Variants in CD2 observed in about 807,000 individuals in gnomAD.
The protein encoded by CD2 is T-cell surface antigen CD2.
Under a neutral mutation model 23.2 loss-of-function variants are expected in CD2, and 18 were observed. The observed-to-expected ratio is 0.77, with a 90% CI of 0.54 to 1.15. The LOEUF (loss-of-function observed/expected upper bound fraction) is 1.15, where lower values mean the gene tolerates loss of function less well. CD2 is among the 50% of genes most tolerant of loss of function. The probability of loss-of-function intolerance (pLI) is 0.00; values close to 1 mark genes in which losing one functional copy is unlikely to be tolerated. For synonymous variants in CD2, 162 were observed against 151.9 expected (o/e 1.07, Z -0.49); for missense variants, 424 against 423.1 (o/e 1.00, Z -0.02).
At chr1:116,765,867 A>C (rs1437106453) in intron 4 of CD2, among the ~76,000 whole-genome samples, 1 of 152,256 alleles carries the variant, frequency 6.6e-6, no homozygotes, top group Non-Finnish European at 1.5e-5. Context: ...GCTGATAAAA[A>C]AGTCGTTAGT....
chr1:116,764,561 G>A lies in CD2; in HGVS notation c.691G>A (p.Val231Ile), dbSNP rs369219837. ...CTTGATGGTCTTTGTGGCACTGCTC[G>A]TTTTCTATATCACCAAAAGGAAAAA... ...SLLMVFVALL[V>I]FYITKRKKQR... Residue 231 changes from valine (V) to isoleucine (I), a missense_variant, in exon 4 of 5, where the codon GTT becomes ATT. Transcript: ENST00000369478. 5.9e-5 allele frequency: 95 copies of A among 1,613,896 alleles called. 2 individuals are homozygous for A. The highest frequency in any genetic ancestry group is 8.0e-5 in the African/African-American group (6 of 74,854).
At chr1:116,760,848 A>G (rs533937262) in intron 3 of CD2, among the ~76,000 whole-genome samples, 2 of 152,352 alleles carry the variant, frequency 1.3e-5, no homozygotes, top group South Asian at 2.1e-4. Context: ...ACTGAGCACA[A>G]TTTGACCACA....
At chr1:116,760,302 C>T (rs1652002747) in intron 2 of CD2, 100 bp from the exon 3 acceptor site, 3 of 821,052 alleles carry the variant, frequency 3.7e-6, no homozygotes, top group East Asian at 5.4e-5. Flanking sequence ...GACATTGTTC[C>T]CTTGTCCCTA....
In CD2 at chr1:116,768,452, T is replaced by C. The variant is rs1198783438; in HGVS notation, c.737-12T>C. The C allele has an allele frequency of 6.2e-7, 1 of 1,611,602 alleles. No individual in the cohort carries two copies. The highest frequency in any genetic ancestry group is 8.5e-7 in the Non-Finnish European group (1 of 1,178,576). ...GGCCAAGATGAACTCTATTGAGGTT[T>C]TGTTGTTGCAGATGAGGAGCTGGAG... On this transcript the variant is annotated splice_polypyrimidine_tract_variant and intron_variant, in intron 4 of 4. Coordinates refer to ENST00000369478, the MANE Select transcript of CD2 (RefSeq NM_001767.5).
Position 116,754,753 on chromosome 1 carries a change from A to T in CD2, c.184A>T (p.Thr62Ser). 1 of 1,613,822 alleles carries T rather than the reference A, an allele frequency of 6.2e-7. No homozygotes were observed. Among genetic ancestry groups the T allele is most frequent in the South Asian group, 1.1e-5 (1 of 90,980 alleles). The part of the protein sequence containing the change: ...DDIDDIKWEK[T>S]SDKKKIAQFR... ...TATTGACGATATAAAATGGGAAAAA[A>T]CTTCAGACAAGAAAAAGATTGCACA... The change falls in exon 2 of 5, where the codon ACT (threonine) becomes TCT (serine). Residue 62 changes from threonine (T) to serine (S), a missense_variant. Transcript: ENST00000369478.
chr1:116,754,597 A>G (rs754118921), intron 1 of CD2, 34 bp from the exon 2 acceptor site: 1 of 1,609,302 alleles, frequency 6.2e-7, no homozygotes, highest in Non-Finnish European at 8.5e-7. Context: ...CTTTCCCTGA[A>G]AGTGACTCTC....
intron 4 of CD2, among the ~76,000 whole-genome samples, chr1:116,768,167 G>T (rs566968492): frequency 1.3e-5 from 2 of 152,172 alleles, no homozygotes; most frequent in African/African-American, 4.8e-5. Context: ...CAGAGGTAGG[G>T]TTCCAGGTCT....
At chr1:116,763,362 C>A (rs1193074224) in intron 3 of CD2, among the ~76,000 whole-genome samples, 1 of 152,150 alleles carries the variant, frequency 6.6e-6, no homozygotes, top group East Asian at 1.9e-4. Context: ...ATGTTTTTGC[C>A]TGGAGAAGCA....
intron 4 of CD2, among the ~76,000 whole-genome samples, chr1:116,766,213 G>C (rs747647228): frequency 6.6e-6 from 1 of 152,208 alleles, no homozygotes; most frequent in Non-Finnish European, 1.5e-5. Context: ...AGGAATTCCT[G>C]GGAGCACACA....
At chr1:116,757,811 C>T (rs975676383) in intron 2 of CD2, among the ~76,000 whole-genome samples, 12 of 151,642 alleles carry the variant, frequency 7.9e-5, no homozygotes, top group Non-Finnish European at 1.8e-4. Context: ...ACTCTGTCGT[C>T]CAGCCTGGAG....
intron 3 of CD2, among the ~76,000 whole-genome samples, chr1:116,763,927 C>A (rs1389427865): frequency 6.6e-6 from 1 of 152,008 alleles, no homozygotes; most frequent in Non-Finnish European, 1.5e-5. Flanking sequence ...GAGTGCTGGG[C>A]TGGACAAGTG....
intron 1 of CD2, 28 bp from the exon 2 acceptor site, chr1:116,754,603 C>T (rs375123830): frequency 1.2e-6 from 2 of 1,607,208 alleles, no homozygotes; most frequent in Non-Finnish European, 1.7e-6. Context: ...CTGAAAGTGA[C>T]TCTCAGTAAC....
intron 3 of CD2, 72 bp from the exon 4 acceptor site, chr1:116,764,412 G>T: frequency 6.4e-7 from 1 of 1,565,502 alleles, no homozygotes; most frequent in Non-Finnish European, 8.6e-7. Flanking sequence ...GCAGGAGGCA[G>T]CATCCTTGGC....
intron 3 of CD2, among the ~76,000 whole-genome samples, chr1:116,761,994 C>T (rs1652070594): frequency 6.6e-6 from 1 of 152,024 alleles, no homozygotes; most frequent in Middle Eastern, 3.2e-3. Flanking sequence ...CCACACCCAG[C>T]TAATTTTTAA....
At chr1:116,755,794 C>T (rs1413652364) in intron 2 of CD2, among the ~76,000 whole-genome samples, 1 of 152,032 alleles carries the variant, frequency 6.6e-6, no homozygotes, top group African/African-American at 2.4e-5. Flanking sequence ...AGAAAGGTGG[C>T]TTAGGCAAGG....
At chr1:116,764,763 T>C in intron 4 of CD2, 157 bp downstream of exon 4, 2 of 631,330 alleles carry the variant, frequency 3.2e-6, no homozygotes, top group East Asian at 2.8e-5. Context: ...TTTCATTTTG[T>C]GGTTAGCTTG....
intron 2 of CD2, among the ~76,000 whole-genome samples, chr1:116,759,671 G>T (rs993792694): frequency 2.0e-5 from 3 of 152,200 alleles, no homozygotes; most frequent in Non-Finnish European, 4.4e-5. Flanking sequence ...GACAGGTAGG[G>T]TATGTTTTTC....
At chr1:116,764,392 T>G in intron 3 of CD2, 92 bp from the exon 4 acceptor site, 1 of 1,533,556 alleles carries the variant, frequency 6.5e-7, no homozygotes, top group Non-Finnish European at 8.7e-7. Flanking sequence ...AGCTCTTCTA[T>G]CTGCTTGATG....
chr1:116,764,689 C>T (rs1053255213), intron 4 of CD2, 83 bp downstream of exon 4: 3 of 1,013,634 alleles, frequency 3.0e-6, no homozygotes, highest in Non-Finnish European at 4.7e-6. Context: ...CTTGAATCTG[C>T]AGAGAAAATG....
Sources: allele counts gnomAD v4.1 joint callset (sites outside exome capture counted in the v4.1 genomes callset), GRCh38; gene constraint gnomAD v4.1.1; transcripts MANE v1.5; gene names NCBI Gene and HGNC (gene_info 2026-07-23, HGNC 2026-07-21).